The following DLG2 variants were observed in gnomAD, a reference collection of about 807,000 sequenced individuals.
DLG2 encodes the protein discs large MAGUK scaffold protein 2, also known as disks large homolog 2.
DLG2 carries 45 observed loss-of-function variants against 132.5 expected under a neutral mutation model. The observed-to-expected ratio is 0.34, with a 90% CI of 0.27 to 0.44. The LOEUF (loss-of-function observed/expected upper bound fraction) is 0.44, where lower values mean the gene tolerates loss of function less well. Ranked by LOEUF, DLG2 falls within the 20% of genes least tolerant of loss-of-function variation. DLG2 has a pLI of 1.00. For missense variants in DLG2, 1,045 were observed against 1,196.9 expected (o/e 0.87, Z 1.87); for synonymous variants, 424 against 419.6 (o/e 1.01, Z -0.13).
chr11:83,600,819 C>T (rs115405506), intron 19 of DLG2, among the ~76,000 whole-genome samples: 3,176 of 152,338 alleles, frequency 0.021, 117 homozygotes, highest in African/African-American at 0.073. Flanking sequence ...ACAGAGGCTG[C>T]AAACAGACTT....
intron 7 of DLG2, chr11:84,316,989 A>G: frequency 6.2e-7 from 1 of 1,612,772 alleles, no homozygotes; most frequent in Non-Finnish European, 8.5e-7. Flanking sequence ...GGTCCTGAGG[A>G]GGGCATGGTC....
chr11:83,833,761 G>A lies in DLG2; in HGVS notation c.1575C>T (p.Arg525=). 1 of 1,613,708 alleles carries A rather than the reference G, an allele frequency of 6.2e-7. No individual in the cohort carries two copies. The highest frequency in any genetic ancestry group is 8.5e-7 in the Non-Finnish European group (1 of 1,179,792). Residue 525 remains arginine (R), a synonymous_variant, in exon 17 of 28, where the codon CGC becomes CGT. Coordinates refer to ENST00000376104, the MANE Select transcript of DLG2 (RefSeq NM_001142699.3). ...QRAVSLEGEP[R]KVVLHKGSTG... is the part of the protein sequence containing the mutation. ...TGGAGCCTTTGTGCAGGACTACCTT[G>A]CGAGGCTCTCTGCAGAAAGAAATAG...
At chr11:83,889,785 A>G (rs2069141554) in intron 15 of DLG2, among the ~76,000 whole-genome samples, 1 of 152,190 alleles carries the variant, frequency 6.6e-6, no homozygotes, top group Non-Finnish European at 1.5e-5. Context: ...AGCCATAAAA[A>G]AACAGTGAGT....
intron 7 of DLG2, among the ~76,000 whole-genome samples, chr11:84,307,559 A>AGTGAAGGGCGCC (rs2098233943): frequency 6.6e-6 from 1 of 152,036 alleles, no homozygotes; most frequent in Admixed American, 6.5e-5. Flanking sequence ...AGCCGGGCGC[A>AGTGAAGGGCGCC]GTGAAGGGCG....
rs930343363 is a variant in DLG2, at chr11:83,457,441, TAAA to T, written c.*2374_*2376del. 1 of 152,502 alleles carries T rather than the reference TAAA, an allele frequency of 6.6e-6. No homozygotes were observed. The highest frequency in any genetic ancestry group is 2.4e-5 in the African/African-American group (1 of 41,406). The allele number at this position is 152,502 out of a possible 1,614,324, so 9.4% of individuals were successfully genotyped here. A position where few individuals can be genotyped will look rare whatever the true frequency, so the allele number is the denominator to read the frequency against. ...ATCTATATATTTATATAAATCTACA[TAAA>T]AAAATCAGTGCAAATGCCAATTCTA... On this transcript the variant is annotated 3_prime_UTR_variant, in exon 28 of 28. Coordinates refer to ENST00000376104, the MANE Select transcript of DLG2 (RefSeq NM_001142699.3).
intron 6 of DLG2, among the ~76,000 whole-genome samples, chr11:85,012,248 C>T (rs2059200087): frequency 1.4e-5 from 1 of 73,064 alleles, no homozygotes; most frequent in Non-Finnish European, 2.4e-5. Flanking sequence ...GAGATATGGC[C>T]GGGCGCAGTG....
chr11:85,229,187 T>TA (rs1386299939), intron 4 of DLG2, among the ~76,000 whole-genome samples: 4 of 47,234 alleles, frequency 8.5e-5, no homozygotes, highest in African/African-American at 2.0e-4. Context: ...AACAACACAG[T>TA]ATTTTTTTTT....
At chr11:83,656,540 G>A (rs1395353173) in intron 18 of DLG2, among the ~76,000 whole-genome samples, 2 of 152,134 alleles carry the variant, frequency 1.3e-5, no homozygotes, top group Non-Finnish European at 1.5e-5. Flanking sequence ...AATGAGTAGA[G>A]GAAGAATAAT....
intron 17 of DLG2, among the ~76,000 whole-genome samples, chr11:83,805,859 A>C (rs1220459523): frequency 6.6e-6 from 1 of 152,100 alleles, no homozygotes; most frequent in African/African-American, 2.4e-5. Flanking sequence ...TAGTCCTCCC[A>C]TATCATTGGT....
intron 11 of DLG2, among the ~76,000 whole-genome samples, chr11:84,029,544 G>A (rs1220405657): frequency 6.6e-6 from 1 of 152,084 alleles, no homozygotes; most frequent in Non-Finnish European, 1.5e-5. Context: ...AGTTGGAGTG[G>A]ATGAGCTTTA....
intron 20 of DLG2, among the ~76,000 whole-genome samples, chr11:83,540,768 A>G (rs1023735540): frequency 6.6e-6 from 1 of 152,228 alleles, no homozygotes; most frequent in Non-Finnish European, 1.5e-5. Context: ...GATGAGGATC[A>G]AAGCCCTTTG....
Position 84,048,150 on chromosome 11 carries a change from A to G in DLG2, c.919+11165T>C, listed in dbSNP as rs189882077. Among the ~76,000 whole-genome samples, 861 of 150,996 alleles carry G rather than the reference A, an allele frequency of 5.7e-3. 1 individual carries two copies. The highest frequency in any genetic ancestry group is 9.8e-3 in the Non-Finnish European group (664 of 67,510). ...TATCAAATATGGTGTCCTTCATTTA[A>G]TAATAATAATAATAATAATAAAAGA... is the stretch of plus-strand genomic sequence containing the variant. On this transcript the variant is annotated intron_variant, in intron 11 of 27. Coordinates refer to ENST00000376104, the MANE Select transcript of DLG2 (RefSeq NM_001142699.3).
intron 19 of DLG2, 110 bp from the exon 20 acceptor site, chr11:83,541,968 A>G (rs941622506): frequency 1.9e-6 from 2 of 1,026,660 alleles, no homozygotes; most frequent in African/African-American, 3.3e-5. Context: ...ATCACTTGAT[A>G]TCAACTCCCG....
chr11:84,638,672 T>C (rs538407124), intron 6 of DLG2, among the ~76,000 whole-genome samples: 1 of 152,308 alleles, frequency 6.6e-6, no homozygotes, highest in African/African-American at 2.4e-5. Context: ...AGAACCATAG[T>C]ATGAAGTAGA....
chr11:84,882,787 TA>T (rs2087563147), intron 6 of DLG2, among the ~76,000 whole-genome samples: 1 of 152,122 alleles, frequency 6.6e-6, no homozygotes, highest in Admixed American at 6.6e-5. Flanking sequence ...AGAATCCTTG[TA>T]TTCAGATGAG....
chr11:84,968,399 T>C (rs566317233), intron 6 of DLG2, among the ~76,000 whole-genome samples: 1 of 152,108 alleles, frequency 6.6e-6, no homozygotes, highest in African/African-American at 2.4e-5. Flanking sequence ...AGATGCTCCC[T>C]TGAGTGCCTA....
intron 6 of DLG2, among the ~76,000 whole-genome samples, chr11:85,044,123 A>G (rs1360640887): frequency 6.6e-6 from 1 of 151,942 alleles, no homozygotes; most frequent in African/African-American, 2.4e-5. Flanking sequence ...TGTTTCACTT[A>G]GTAACTTCTT....
intron 16 of DLG2, among the ~76,000 whole-genome samples, chr11:83,870,430 A>C (rs966868123): frequency 6.6e-6 from 1 of 152,198 alleles, no homozygotes; most frequent in African/African-American, 2.4e-5. Flanking sequence ...TGTTGCTGAA[A>C]ATGACATGAT....
intron 11 of DLG2, among the ~76,000 whole-genome samples, chr11:84,041,677 C>T (rs989738936): frequency 1.3e-5 from 2 of 151,860 alleles, no homozygotes; most frequent in African/African-American, 2.4e-5. Flanking sequence ...GGTCAATTTA[C>T]CCAATTTCCT....
Sources: allele counts gnomAD v4.1 joint callset (sites outside exome capture counted in the v4.1 genomes callset), GRCh38; gene constraint gnomAD v4.1.1; transcripts MANE v1.5; gene names NCBI Gene and HGNC (gene_info 2026-07-23, HGNC 2026-07-21).